The following KIDINS220 variants were observed in gnomAD, a reference collection of about 807,000 sequenced individuals.
KIDINS220 encodes kinase D-interacting substrate of 220 kDa.
A neutral mutation model predicts 157.6 loss-of-function variants in KIDINS220; 63 were observed. The observed-to-expected ratio is 0.40, with a 90% CI of 0.33 to 0.49. The LOEUF is 0.49. KIDINS220 is among the 20% of genes least tolerant of loss of function. The probability of loss-of-function intolerance (pLI) is 0.66; values close to 1 mark genes in which losing one functional copy is unlikely to be tolerated. For missense variants in KIDINS220, 1,772 were observed against 2,171.2 expected (o/e 0.82, Z 3.65); for synonymous variants, 732 against 783.6 (o/e 0.93, Z 1.10).
At chr2:8,747,081 C>G in intron 26 of KIDINS220, 64 bp downstream of exon 26, 1 of 1,421,704 alleles carries the variant, frequency 7.0e-7, no homozygotes, top group Non-Finnish European at 1.0e-6. Flanking sequence ...ACAATTAAGA[C>G]AGTCATTACT....
At chr2:8,791,306 T>C (rs981200567) in intron 12 of KIDINS220, 82 bp from the exon 13 acceptor site, 2 of 1,264,008 alleles carry the variant, frequency 1.6e-6, no homozygotes, top group Non-Finnish European at 2.2e-6. Context: ...GTTTCCTTGA[T>C]TAGAGAGAAA....
chr2:8,762,949 G>T (rs915130883), intron 22 of KIDINS220, among the ~76,000 whole-genome samples: 1 of 152,014 alleles, frequency 6.6e-6, no homozygotes, highest in African/African-American at 2.4e-5. Flanking sequence ...ACTAAATAAA[G>T]CATTTATTTG....
intron 2 of KIDINS220, among the ~76,000 whole-genome samples, chr2:8,822,757 C>G (rs1182930251): frequency 2.6e-5 from 4 of 152,188 alleles, no homozygotes; most frequent in Non-Finnish European, 5.9e-5. Flanking sequence ...CCAAGGACAG[C>G]TGACAGTGAC....
intron 17 of KIDINS220, 104 bp downstream of exon 17, chr2:8,785,637 C>A: frequency 1.1e-6 from 1 of 939,052 alleles, no homozygotes; most frequent in South Asian, 1.7e-5. Context: ...AAAATAAATG[C>A]AACACTTTAA....
chr2:8,827,866 G>A (rs552727748), intron 1 of KIDINS220, among the ~76,000 whole-genome samples: 1 of 152,198 alleles, frequency 6.6e-6, no homozygotes, highest in African/African-American at 2.4e-5. Context: ...AGAATCACCT[G>A]AAGAGCTTTT....
intron 21 of KIDINS220, among the ~76,000 whole-genome samples, chr2:8,774,605 C>T (rs998369815): frequency 2.0e-5 from 3 of 152,130 alleles, no homozygotes; most frequent in African/African-American, 7.2e-5. Flanking sequence ...AAAGAACAAT[C>T]TGTACAGGCA....
intron 2 of KIDINS220, chr2:8,825,935 T>C (rs1215228035): frequency 6.6e-6 from 1 of 151,396 alleles, no homozygotes; most frequent in East Asian, 2.0e-4. Flanking sequence ...AAAAAAAAAA[T>C]TAGCCGGGCA....
In KIDINS220 at chr2:8,731,425, G is replaced by C. The variant is rs367620717; in HGVS notation, c.4611C>G (p.Leu1537=). ...CGGCTTTTCTGTCTTTGTCATCTTT[G>C]AGCAGTGGAGTGTTATCTGATTCTT... is the stretch of plus-strand genomic sequence containing the variant. ...GTEESDNTPL[L]KDDKDRKAEG... is the part of the protein sequence containing the mutation. The change falls in exon 30 of 30, where the codon CTC becomes CTG. Residue 1537 remains leucine, a synonymous_variant. Coordinates refer to ENST00000256707, the MANE Select transcript of KIDINS220 (RefSeq NM_020738.4). This position sits in a 1 kb window ranked among gnomAD's most constrained non-coding sequence, Gnocchi z 5.2. The C allele has an allele frequency of 2.2e-5, 36 of 1,614,034 alleles. No individual in the cohort carries two copies. Among genetic ancestry groups the C allele is most frequent in the Non-Finnish European group, 2.7e-5 (32 of 1,180,036 alleles).
Position 8,733,662 on chromosome 2 carries a change from C to T in KIDINS220, c.3835G>A (p.Ala1279Thr), listed in dbSNP as rs188547191. 1.1e-4 allele frequency: 174 copies of T among 1,577,732 alleles called. No homozygotes were observed. Among genetic ancestry groups the T allele is most frequent in the East Asian group, 5.9e-4 (26 of 44,056 alleles). The change falls in exon 29 of 30, where the codon GCA becomes ACA. Residue 1279 changes from alanine to threonine, a missense_variant. By Grantham distance (58) the Ala-to-Thr change is moderately conservative. Coordinates refer to ENST00000256707, the MANE Select transcript of KIDINS220 (RefSeq NM_020738.4). ...TCTTCAGGGACCACGTGGCTTTCTG[C>T]GTTTCTCATTTCTAGTACCTTAACA... ...FRSTVLEMRN[A>T]ESHVVPEDPR... is the part of the protein sequence containing the mutation.
In KIDINS220 at chr2:8,730,762, A is replaced by C. The variant is rs1311116846; in HGVS notation, c.5274T>G (p.Ser1758=). 6.2e-7 allele frequency: 1 copy of C among 1,614,108 alleles called. No homozygotes were observed. The highest frequency in any genetic ancestry group is 8.5e-7 in the Non-Finnish European group (1 of 1,180,054). ...TTTCTTCTCCAAAGCCTGTGCTCTC[A>C]GAAGAGGCTGCTGCATGGAGCTCCG... is the stretch of plus-strand genomic sequence containing the variant. ...DPPELHAAAS[S]ESTGFGEERE... Residue 1758 remains serine (S), a synonymous_variant, in exon 30 of 30, where the codon TCT becomes TCG. Coordinates refer to ENST00000256707, the MANE Select transcript of KIDINS220 (RefSeq NM_020738.4).
At chr2:8,833,312 A>T (rs1344476383) in intron 1 of KIDINS220, among the ~76,000 whole-genome samples, 1 of 152,192 alleles carries the variant, frequency 6.6e-6, no homozygotes, top group Non-Finnish European at 1.5e-5. Context: ...ATATGAAGCC[A>T]ATAAATATTA....
chr2:8,777,173 T>C (rs1344019683), intron 20 of KIDINS220, among the ~76,000 whole-genome samples: 1 of 152,242 alleles, frequency 6.6e-6, no homozygotes, highest in African/African-American at 2.4e-5. Flanking sequence ...TTTAAGATTA[T>C]AAGTAGGCAG....
At chr2:8,827,632 G>A (rs897858131) in intron 1 of KIDINS220, among the ~76,000 whole-genome samples, 3 of 151,872 alleles carry the variant, frequency 2.0e-5, no homozygotes, top group Admixed American at 6.6e-5. Flanking sequence ...CACTATCATC[G>A]CTTCCTAACT....
At chr2:8,721,778 G>C (rs1662973460), downstream of KIDINS220, 1 of 152,206 alleles carries the variant, frequency 6.6e-6, no homozygotes, top group African/African-American at 2.4e-5. Flanking sequence ...GTAGCTGTGT[G>C]ACTTTGGGCA....
chr2:8,733,548 C>T lies in KIDINS220; in HGVS notation c.3949G>A (p.Glu1317Lys), dbSNP rs374748463. 16 of 1,613,972 alleles carry T rather than the reference C, an allele frequency of 9.9e-6. No homozygotes were observed. Among genetic ancestry groups the T allele is most frequent in the Non-Finnish European group, 1.4e-5 (16 of 1,180,030 alleles). The change falls in exon 29 of 30, where the codon GAG becomes AAG. Residue 1317 changes from glutamate to lysine, a missense_variant. This residue lies in a region of KIDINS220 where 793 missense variants were observed against 885.5 expected (regional missense o/e 0.90). Coordinates refer to ENST00000256707, the MANE Select transcript of KIDINS220 (RefSeq NM_020738.4). ...GTGTAGGGCGTCTGGCTGGAGAGCTCGGTGTGAGGCAGCTCGTTGTGGGAA... is the reference window on the plus strand; with the variant it reads ...GTGTAGGGCGTCTGGCTGGAGAGCTTGGTGTGAGGCAGCTCGTTGTGGGAA... ...RASHNELPHT[E>K]LSSQTPYTLN...
At chr2:8,800,902 G>A (rs984744813) in intron 8 of KIDINS220, among the ~76,000 whole-genome samples, 1 of 152,114 alleles carries the variant, frequency 6.6e-6, no homozygotes, top group Non-Finnish European at 1.5e-5. Context: ...TATGACGAAA[G>A]CCATGAATTC....
At chr2:8,753,764 A>G (rs769064790) in intron 22 of KIDINS220, among the ~76,000 whole-genome samples, 3 of 152,254 alleles carry the variant, frequency 2.0e-5, no homozygotes, top group Non-Finnish European at 2.9e-5. Flanking sequence ...GCTCAGACCC[A>G]ATACTTGGCT....
Position 8,731,512 on chromosome 2 carries a change from C to T in KIDINS220, c.4524G>A (p.Lys1508=), listed in dbSNP as rs1184901822. The change falls in exon 30 of 30, where the codon AAG becomes AAA. Residue 1508 remains lysine, a synonymous_variant. Transcript: ENST00000256707. This position sits in a 1 kb window ranked among gnomAD's most constrained non-coding sequence, Gnocchi z 5.2. ...GATAGCGCAGCCCACTTCCCTTAAG[C>T]TTCAAATCTGTCTGGAAGAGGCTTG... ...ERSSLFQTDL[K]LKGSGLRYQK... is the part of the protein sequence containing the mutation. The T allele has an allele frequency of 3.1e-6, 5 of 1,614,098 alleles. No homozygotes were observed. The Admixed American group carries it at 8.3e-5, about 27-fold the overall frequency.
At chr2:8,754,128 G>C (rs569432083) in intron 22 of KIDINS220, among the ~76,000 whole-genome samples, 1 of 152,300 alleles carries the variant, frequency 6.6e-6, no homozygotes, top group South Asian at 2.1e-4. Flanking sequence ...AAGCTAGAAA[G>C]ATTTAGATAA....
Sources: allele counts gnomAD v4.1 joint callset (sites outside exome capture counted in the v4.1 genomes callset), GRCh38; gene constraint gnomAD v4.1.1; regional missense constraint gnomAD v4.1.1; non-coding constraint Gnocchi (gnomAD v3.1); transcripts MANE v1.5; gene names NCBI Gene and HGNC (gene_info 2026-07-23, HGNC 2026-07-21).